The following DNAJC2 variants were observed in gnomAD, a reference collection of about 807,000 sequenced individuals.
DNAJC2 encodes the protein DnaJ heat shock protein family (Hsp40) member C2.
In DNAJC2, 32 loss-of-function variants were observed where a neutral mutation model predicts 94.0. That is an observed-to-expected ratio of 0.34 (90% CI 0.26 to 0.46). The LOEUF (loss-of-function observed/expected upper bound fraction) is 0.46. Among genes scored for constraint, DNAJC2 ranks in the 20% least tolerant of loss-of-function variants. The probability of loss-of-function intolerance (pLI) is 1.00; values close to 1 mark genes in which losing one functional copy is unlikely to be tolerated. For synonymous variants in DNAJC2, 210 were observed against 229.7 expected (o/e 0.91, Z 0.77); for missense variants, 550 against 719.5 (o/e 0.76, Z 2.69).
At chr7:103,321,308 G>A (rs1818395683) in intron 10 of DNAJC2, among the ~76,000 whole-genome samples, 1 of 152,000 alleles carries the variant, frequency 6.6e-6, no homozygotes, top group South Asian at 2.1e-4. Flanking sequence ...CATGAGGTCA[G>A]GAGTTCAAGA....
chr7:103,327,894 T>A, intron 3 of DNAJC2, 140 bp from the exon 4 acceptor site: 1 of 551,854 alleles, frequency 1.8e-6, no homozygotes, highest in South Asian at 2.6e-5. Flanking sequence ...TTATTCAATG[T>A]GAAAATTATA....
chr7:103,326,567 G>T lies in DNAJC2; in HGVS notation c.548C>A (p.Thr183Asn), dbSNP rs768898513. Reference sequence around the variant, plus strand: ...CCTGGAATTCCTTTCAAACACTGGGGTAAACACTTCGAAGAAATTATCCTT... The same window carrying T: ...CCTGGAATTCCTTTCAAACACTGGGTTAAACACTTCGAAGAAATTATCCTT... Reference protein sequence around the residue: ...EAKDNFFEVFTPVFERNSRWS... With the variant: ...EAKDNFFEVFNPVFERNSRWS... The change falls in exon 5 of 17, where the codon ACC (threonine) becomes AAC (asparagine). Residue 183 changes from threonine to asparagine, a missense_variant. Physicochemically the swap from Thr to Asn is moderately conservative, Grantham distance 65 (BLOSUM62 0). Coordinates refer to ENST00000379263, the MANE Select transcript of DNAJC2 (RefSeq NM_014377.3). 6.2e-7 allele frequency: 1 copy of T among 1,613,856 alleles called. No individual in the cohort carries two copies. The highest frequency in any genetic ancestry group is 1.1e-5 in the South Asian group (1 of 91,062).
intron 6 of DNAJC2, among the ~76,000 whole-genome samples, chr7:103,324,218 GA>G (rs1818579144): frequency 6.6e-6 from 1 of 152,100 alleles, no homozygotes; most frequent in South Asian, 2.1e-4. Context: ...CTTTTAGTAG[GA>G]AGTAACTAAA....
chr7:103,314,595 A>C, intron 15 of DNAJC2: 1 of 985,332 alleles, frequency 1.0e-6, no homozygotes. Flanking sequence ...GCAGGAGAAT[A>C]AACTCCTTTA....
intron 2 of DNAJC2, among the ~76,000 whole-genome samples, chr7:103,341,025 CTT>C (rs1187135988): frequency 6.6e-6 from 1 of 152,208 alleles, no homozygotes; most frequent in South Asian, 2.1e-4. Flanking sequence ...GAATACTTCT[CTT>C]TGTCTTGTGC....
chr7:103,340,456 T>A (rs980138738), intron 2 of DNAJC2, among the ~76,000 whole-genome samples: 1 of 152,236 alleles, frequency 6.6e-6, no homozygotes, highest in Non-Finnish European at 1.5e-5. Context: ...TAGGAACTCT[T>A]ATTATCCATT....
intron 7 of DNAJC2, 94 bp downstream of exon 7, chr7:103,323,504 A>T: frequency 2.4e-6 from 3 of 1,252,058 alleles, no homozygotes; most frequent in Middle Eastern, 2.3e-4. Flanking sequence ...CAAAGAGAAA[A>T]TATGAAAGAA....
rs994388976 is a variant in DNAJC2 at position 103,315,814 on chromosome 7, T to C, written c.1586A>G (p.His529Arg). Residue 529 changes from histidine (H) to arginine (R), a missense_variant, in exon 15 of 17, where the codon CAT (histidine) becomes CGT (arginine). Physicochemically the swap from His to Arg is conservative, Grantham distance 29. Transcript: ENST00000379263. ...KKAFDKFKKE[H>R]GVVPQADNAT... ...GTTGTCTGCTTGAGGTACCACTCCA[T>C]GTTCTTTTTTGAACTTATCAAATGC... 6.2e-7 allele frequency: 1 copy of C among 1,613,970 alleles called. No homozygotes were observed. Among genetic ancestry groups the C allele is most frequent in the Non-Finnish European group, 8.5e-7 (1 of 1,179,896 alleles).
At chr7:103,318,252 A>ACCTGCTCAGGTAAT (rs1818183414) in intron 12 of DNAJC2, among the ~76,000 whole-genome samples, 1 of 150,918 alleles carries the variant, frequency 6.6e-6, no homozygotes, top group African/African-American at 2.4e-5. Context: ...TGCAGCTGTG[A>ACCTGCTCAGGTAAT]CCTCCCAGGC....
At chr7:103,318,062 T>C (rs1818169313) in intron 12 of DNAJC2, among the ~76,000 whole-genome samples, 1 of 152,222 alleles carries the variant, frequency 6.6e-6, no homozygotes, top group Non-Finnish European at 1.5e-5. Context: ...TAATCAAAGA[T>C]TTGCAGTAAT....
chr7:103,329,132 T>C, intron 3 of DNAJC2: 1 of 385,582 alleles, frequency 2.6e-6, no homozygotes, highest in Middle Eastern at 5.2e-4. Context: ...GGAGGGGCTG[T>C]CTCAGTTTTT....
chr7:103,317,646 C>T (rs1437493529), intron 12 of DNAJC2, among the ~76,000 whole-genome samples: 1 of 152,006 alleles, frequency 6.6e-6, no homozygotes, highest in Non-Finnish European at 1.5e-5. Flanking sequence ...AGTGCAGGTT[C>T]TTTTTCTTTC....
At chr7:103,334,573 TAAA>T (rs913266580) in intron 3 of DNAJC2, among the ~76,000 whole-genome samples, 1 of 134,180 alleles carries the variant, frequency 7.5e-6, no homozygotes. Flanking sequence ...GACTCCGTCT[TAAA>T]AAAAAAAAGA....
At chr7:103,326,775 G>T (rs1010076294) in intron 4 of DNAJC2, 91 bp from the exon 5 acceptor site, 17 of 1,296,932 alleles carry the variant, frequency 1.3e-5, no homozygotes, top group Non-Finnish European at 1.7e-5. Flanking sequence ...AAACATAGAA[G>T]TCATTAATTT....
chr7:103,328,707 A>T (rs1818840246), intron 3 of DNAJC2, among the ~76,000 whole-genome samples: 1 of 152,182 alleles, frequency 6.6e-6, no homozygotes, highest in African/African-American at 2.4e-5. Context: ...TCAGCTTCAC[A>T]TTATAGCGTT....
At chr7:103,338,500 T>C (rs1211662114) in intron 2 of DNAJC2, among the ~76,000 whole-genome samples, 1 of 151,116 alleles carries the variant, frequency 6.6e-6, no homozygotes, top group Non-Finnish European at 1.5e-5. Flanking sequence ...TTTCACCTTG[T>C]TGGTCAGGCT....
chr7:103,317,618 T>G (rs1363646970), intron 12 of DNAJC2, among the ~76,000 whole-genome samples: 1 of 152,146 alleles, frequency 6.6e-6, no homozygotes, highest in African/African-American at 2.4e-5. Flanking sequence ...TTTTTTTGAT[T>G]CCCATCATCA....
At position 103,344,605 on chromosome 7, in the gene DNAJC2, G is replaced by C. The variant is rs771360860; in HGVS notation, c.18C>G (p.Ser6Arg). 9.9e-6 allele frequency: 16 copies of C among 1,612,186 alleles called. No homozygotes were observed. The highest frequency in any genetic ancestry group is 5.1e-6 in the Non-Finnish European group (6 of 1,179,974). MLLLP[S>R]AADGRGTAIT... is the part of the protein sequence containing the mutation. Reference sequence around the variant, plus strand: ...TGGCGGTGCCCCGGCCGTCCGCGGCGCTTGGCAGAAGCAGCATGATGGCGC... The same window carrying C: ...TGGCGGTGCCCCGGCCGTCCGCGGCCCTTGGCAGAAGCAGCATGATGGCGC... Residue 6 changes from serine to arginine, a missense_variant, in exon 1 of 17, where the codon AGC becomes AGG. Ser to Arg is a moderately radical substitution (Grantham distance 110). Transcript: ENST00000379263.
At position 103,325,897 on chromosome 7, in the gene DNAJC2, T is replaced by C. The variant is rs537167557; in HGVS notation, c.572+646A>G. 7.5e-3 allele frequency among the ~76,000 whole-genome samples: 1,140 copies of C among 152,316 alleles called. 16 individuals carry two copies. The highest frequency in any genetic ancestry group is 0.026 in the African/African-American group (1,088 of 41,582). Reference sequence around the variant, plus strand: ...ACTGACAATGAGTCAGAGAGTAGTATACCGATTGATAAAGAGGAAATCAAA... The same window carrying C: ...ACTGACAATGAGTCAGAGAGTAGTACACCGATTGATAAAGAGGAAATCAAA... On this transcript the variant is annotated intron_variant, in intron 5 of 16. Transcript: ENST00000379263.
Sources: allele counts gnomAD v4.1 joint callset (sites outside exome capture counted in the v4.1 genomes callset), GRCh38; gene constraint gnomAD v4.1.1; transcripts MANE v1.5; gene names NCBI Gene and HGNC (gene_info 2026-07-23, HGNC 2026-07-21).